Variants in DGKI observed in about 807,000 individuals in gnomAD.
DGKI encodes diacylglycerol kinase iota, also known as DAG kinase iota.
Under a neutral mutation model 147.5 loss-of-function variants are expected in DGKI, and 55 were observed. The observed-to-expected ratio is 0.37, with a 90% CI of 0.30 to 0.47. The LOEUF (loss-of-function observed/expected upper bound fraction) is 0.47. DGKI is among the 20% of genes least tolerant of loss of function. The pLI is 1.00. For synonymous variants in DGKI, 469 were observed against 477.1 expected (o/e 0.98, Z 0.22); for missense variants, 1,007 against 1,323.8 (o/e 0.76, Z 3.71).
intron 8 of DGKI, among the ~76,000 whole-genome samples, chr7:137,616,196 C>T (rs551857473): frequency 6.6e-6 from 1 of 152,176 alleles, no homozygotes; most frequent in South Asian, 2.1e-4. Flanking sequence ...AACTATATGA[C>T]CCTGGGTAAT....
chr7:137,453,805 C>T (rs1814072649), intron 27 of DGKI, among the ~76,000 whole-genome samples: 1 of 152,036 alleles, frequency 6.6e-6, no homozygotes, highest in South Asian at 2.1e-4. Flanking sequence ...TGGTGAGTTC[C>T]TCATTTGATA....
At chr7:137,402,705 G>A (rs542161544) in intron 30 of DGKI, among the ~76,000 whole-genome samples, 9 of 152,102 alleles carry the variant, frequency 5.9e-5, no homozygotes, top group Non-Finnish European at 1.0e-4. Context: ...TCTCCCTGAC[G>A]CTGCCAGCAG....
chr7:137,824,377 A>G (rs1025181940), intron 1 of DGKI, among the ~76,000 whole-genome samples: 3 of 152,006 alleles, frequency 2.0e-5, no homozygotes, highest in African/African-American at 7.2e-5. Context: ...TTAGCTGGGC[A>G]TGGTGGCACA....
chr7:137,758,573 C>A (rs1795758106), intron 1 of DGKI, among the ~76,000 whole-genome samples: 1 of 152,074 alleles, frequency 6.6e-6, no homozygotes. Context: ...GTAATCCCAG[C>A]TACTCGGGAG....
intron 23 of DGKI, among the ~76,000 whole-genome samples, chr7:137,473,673 T>A (rs1026791313): frequency 3.9e-5 from 6 of 152,178 alleles, no homozygotes; most frequent in African/African-American, 1.4e-4. Flanking sequence ...AGCTTGTGGC[T>A]ATTCTCCTAG....
chr7:137,810,055 T>C (rs1268062266), intron 1 of DGKI, among the ~76,000 whole-genome samples: 1 of 152,194 alleles, frequency 6.6e-6, no homozygotes, highest in Non-Finnish European at 1.5e-5. Context: ...TTGCTGAGTG[T>C]AGGCAGTAGA....
intron 1 of DGKI, among the ~76,000 whole-genome samples, chr7:137,763,768 T>C (rs1795928347): frequency 6.6e-6 from 1 of 152,250 alleles, no homozygotes. Context: ...AGGCCAGTGT[T>C]TCCTTACACC....
intron 19 of DGKI, among the ~76,000 whole-genome samples, chr7:137,556,431 T>C (rs1257812607): frequency 6.6e-6 from 1 of 152,082 alleles, no homozygotes; most frequent in Non-Finnish European, 1.5e-5. Flanking sequence ...CTTACTAATA[T>C]TTCTACTGAT....
chr7:137,483,178 TA>T (rs1303651623), intron 23 of DGKI, among the ~76,000 whole-genome samples: 11 of 152,006 alleles, frequency 7.2e-5, no homozygotes, highest in African/African-American at 2.2e-4. Context: ...AGATAGGGCA[TA>T]AAAAAATATG....
intron 27 of DGKI, among the ~76,000 whole-genome samples, chr7:137,462,765 T>C (rs1026834786): frequency 6.6e-6 from 1 of 152,124 alleles, no homozygotes; most frequent in East Asian, 1.9e-4. Flanking sequence ...GCATAACCTC[T>C]GAGATGGATT....
intron 1 of DGKI, among the ~76,000 whole-genome samples, chr7:137,690,855 G>GA (rs200806211): frequency 1.8e-4 from 27 of 150,534 alleles, no homozygotes; most frequent in East Asian, 1.2e-3. Flanking sequence ...GCAAGAAGAA[G>GA]AAAAAAAAAG....
chr7:137,686,370 C>T (rs1186080207), intron 2 of DGKI, among the ~76,000 whole-genome samples: 1 of 152,170 alleles, frequency 6.6e-6, no homozygotes, highest in Non-Finnish European at 1.5e-5. Flanking sequence ...GAAGACTGAT[C>T]CAGATACTCT....
intron 6 of DGKI, among the ~76,000 whole-genome samples, chr7:137,630,203 G>A (rs755019043): frequency 6.6e-6 from 1 of 152,100 alleles, no homozygotes; most frequent in Non-Finnish European, 1.5e-5. Context: ...AAAAGACTCT[G>A]AAAGTTTTTC....
At chr7:137,552,263 T>A (rs1338964322) in intron 20 of DGKI, 106 bp downstream of exon 20, 6 of 1,234,594 alleles carry the variant, frequency 4.9e-6, no homozygotes, top group Non-Finnish European at 6.8e-6. Flanking sequence ...TCTCCTGGAC[T>A]TTTTTCCTCT....
chr7:137,394,841 G>C (rs1238731560), intron 32 of DGKI, among the ~76,000 whole-genome samples: 1 of 152,128 alleles, frequency 6.6e-6, no homozygotes, highest in Non-Finnish European at 1.5e-5. Flanking sequence ...TATGTGGCTG[G>C]GGTGTTCTGG....
chr7:137,816,756 T>C (rs1797748173), intron 1 of DGKI, among the ~76,000 whole-genome samples: 1 of 152,156 alleles, frequency 6.6e-6, no homozygotes. Flanking sequence ...AATTTTTATA[T>C]GACAATAGGG....
intron 1 of DGKI, among the ~76,000 whole-genome samples, chr7:137,815,418 G>A (rs1250346740): frequency 6.6e-6 from 1 of 152,054 alleles, no homozygotes; most frequent in Admixed American, 6.5e-5. Context: ...CGGGGGTTGA[G>A]TGTATTTTGA....
chr7:137,431,414 C>T (rs1300330970), intron 28 of DGKI, among the ~76,000 whole-genome samples: 1 of 152,088 alleles, frequency 6.6e-6, no homozygotes, highest in Non-Finnish European at 1.5e-5. Flanking sequence ...CTGGAACCTG[C>T]ATTATTAAAT....
intron 8 of DGKI, among the ~76,000 whole-genome samples, chr7:137,611,905 T>G (rs2128993710): frequency 6.6e-6 from 1 of 152,328 alleles, no homozygotes; most frequent in Admixed American, 6.5e-5. Context: ...GCTTGCCTCC[T>G]AACTTTTTTG....
Sources: allele counts gnomAD v4.1 joint callset (sites outside exome capture counted in the v4.1 genomes callset), GRCh38; gene constraint gnomAD v4.1.1; transcripts MANE v1.5; gene names NCBI Gene and HGNC (gene_info 2026-07-23, HGNC 2026-07-21).